CBL: variants seen among roughly 807,000 people sequenced by gnomAD.
CBL encodes the protein Cbl proto-oncogene, also known as E3 ubiquitin-protein ligase CBL.
A neutral mutation model predicts 96.9 loss-of-function variants in CBL; 45 were observed. The ratio of observed to expected loss-of-function variants is 0.46; its 90% CI spans 0.37 to 0.60. The LOEUF (loss-of-function observed/expected upper bound fraction) is 0.60. Among genes scored for constraint, CBL ranks in the 20% least tolerant of loss-of-function variants. The probability of loss-of-function intolerance (pLI) is 0.00; values close to 1 mark genes in which losing one functional copy is unlikely to be tolerated. For synonymous variants in CBL, 420 were observed against 426.8 expected (o/e 0.98, Z 0.20); for missense variants, 1,024 against 1,143.5 (o/e 0.90, Z 1.51).
chr11:119,236,609 A>G (rs968507921), intron 2 of CBL, among the ~76,000 whole-genome samples: 6 of 148,776 alleles, frequency 4.0e-5, no homozygotes, highest in Admixed American at 6.7e-5. Flanking sequence ...ATATATATAT[A>G]TATATATATA....
intron 1 of CBL, among the ~76,000 whole-genome samples, chr11:119,226,077 A>G (rs1277810501): frequency 6.6e-6 from 1 of 152,142 alleles, no homozygotes; most frequent in Non-Finnish European, 1.5e-5. Flanking sequence ...TGAACCTTTT[A>G]AGGGCTGGAT....
chr11:119,272,251 C>T (rs560196167), intron 3 of CBL, among the ~76,000 whole-genome samples: 1 of 152,036 alleles, frequency 6.6e-6, no homozygotes, highest in African/African-American at 2.4e-5. Flanking sequence ...CCTCCTGAGT[C>T]GCTGGGACTA....
At chr11:119,268,752 G>A (rs1949821500) in intron 2 of CBL, among the ~76,000 whole-genome samples, 1 of 152,162 alleles carries the variant, frequency 6.6e-6, no homozygotes, top group Non-Finnish European at 1.5e-5. Flanking sequence ...AAAGGAAGTA[G>A]GAGAACCAAG....
chr11:119,257,742 A>G (rs1949721888), intron 2 of CBL, among the ~76,000 whole-genome samples: 1 of 150,704 alleles, frequency 6.6e-6, no homozygotes, highest in Admixed American at 6.6e-5. Flanking sequence ...AAAGATAGGG[A>G]TTCATTTTCA....
intron 2 of CBL, among the ~76,000 whole-genome samples, chr11:119,266,018 C>CAAA (rs398017759): frequency 5.0e-4 from 38 of 76,022 alleles, no homozygotes; most frequent in African/African-American, 1.0e-3. Context: ...GACTCCATCT[C>CAAA]AAAAAAAAAA....
Position 119,249,662 on chromosome 11 carries a change from CT to C in CBL, c.443+16970del, listed in dbSNP as rs1949656632. 2.0e-5 allele frequency among the ~76,000 whole-genome samples: 3 copies of C among 147,618 alleles called. No individual in the cohort carries two copies. The South Asian group carries it at 6.6e-4, about 32-fold the overall frequency. Reference sequence around the variant, plus strand: ...TTATTTTGGTACAGTTTCTTTCTTTCTTTCTTTTTTTTTTTTTAATTGAGAC... The same window carrying C: ...TTATTTTGGTACAGTTTCTTTCTTTCTTCTTTTTTTTTTTTTAATTGAGAC... On this transcript the variant is annotated intron_variant, in intron 2 of 15. Coordinates refer to ENST00000264033, the MANE Select transcript of CBL (RefSeq NM_005188.4).
Position 119,302,825 on chromosome 11 carries a change from A to T in CBL, c.*3044A>T. ...CATTTACCTGTTAATATTTTTGTGA[A>T]TAGTGCTCTCTACCTGTGGGTGGCC... On this transcript the variant is annotated 3_prime_UTR_variant, in exon 16 of 16. Transcript: ENST00000264033. The T allele has an allele frequency of 4.3e-6, 1 of 231,046 alleles. No homozygotes were observed. The highest frequency in any genetic ancestry group is 8.6e-6 in the Non-Finnish European group (1 of 116,704). 14.3% of individuals were successfully genotyped at this position (231,046 alleles called of 1,614,324 possible).
intron 2 of CBL, among the ~76,000 whole-genome samples, chr11:119,245,494 C>CGAGGCA (rs1565863225): frequency 1.3e-5 from 2 of 151,912 alleles, no homozygotes; most frequent in African/African-American, 4.8e-5. Context: ...TTTGGGAGAC[C>CGAGGCA]GAGGCAGGTG....
chr11:119,293,513 C>A (rs1009915570), intron 12 of CBL, among the ~76,000 whole-genome samples: 1 of 152,116 alleles, frequency 6.6e-6, no homozygotes, highest in Non-Finnish European at 1.5e-5. Flanking sequence ...TTTAGCTTTT[C>A]AATTGCTGCT....
At chr11:119,282,531 A>G (rs943781406) in intron 9 of CBL, among the ~76,000 whole-genome samples, 2 of 152,218 alleles carry the variant, frequency 1.3e-5, no homozygotes, top group African/African-American at 4.8e-5. Flanking sequence ...ATGTGCAGGA[A>G]ACACTGAGGA....
intron 1 of CBL, among the ~76,000 whole-genome samples, chr11:119,210,364 G>A (rs949381533): frequency 2.0e-5 from 3 of 152,084 alleles, no homozygotes; most frequent in African/African-American, 4.8e-5. Context: ...GCAACAGAGT[G>A]ACACCCTGTT....
intron 2 of CBL, among the ~76,000 whole-genome samples, chr11:119,264,391 C>CTCTTT (rs1372863462): frequency 1.8e-5 from 1 of 54,698 alleles, no homozygotes; most frequent in Admixed American, 1.5e-4. Context: ...CTTTTCTTTT[C>CTCTTT]TCTTCTCTTC....
Position 119,289,894 on chromosome 11 carries a change from C to T in CBL, c.2036+1948C>T, listed in dbSNP as rs1349791615. ...AGTAACTGGGGCTCCAGGCATTCGCCACCATGCCTGGCTAGGTTTTTAATT... is the reference window on the plus strand; with the variant it reads ...AGTAACTGGGGCTCCAGGCATTCGCTACCATGCCTGGCTAGGTTTTTAATT... On this transcript the variant is annotated intron_variant, in intron 12 of 15. Transcript: ENST00000264033. Among the ~76,000 whole-genome samples the T allele has an allele frequency of 2.6e-5, 4 of 152,140 alleles. No individual in the cohort carries two copies. The South Asian group carries it at 6.2e-4, about 24-fold the overall frequency.
intron 2 of CBL, among the ~76,000 whole-genome samples, chr11:119,246,658 G>T (rs1477502220): frequency 1.3e-5 from 2 of 152,186 alleles, no homozygotes; most frequent in East Asian, 3.9e-4. Flanking sequence ...CACCATGTTG[G>T]CCAGGCTGGT....
At chr11:119,285,147 C>G in intron 10 of CBL, 42 bp from the exon 11 acceptor site, 2 of 1,614,138 alleles carry the variant, frequency 1.2e-6, no homozygotes, top group Non-Finnish European at 1.7e-6. Context: ...TTGCTGTGTA[C>G]TAGTGGGTTT....
At chr11:119,298,127 TG>T (rs1950076003) in intron 14 of CBL, among the ~76,000 whole-genome samples, 1 of 152,238 alleles carries the variant, frequency 6.6e-6, no homozygotes, top group Non-Finnish European at 1.5e-5. Context: ...CTATTAACCT[TG>T]TCAAGAATAA....
At chr11:119,216,466 G>A (rs1183578733) in intron 1 of CBL, among the ~76,000 whole-genome samples, 2 of 151,896 alleles carry the variant, frequency 1.3e-5, no homozygotes, top group African/African-American at 4.8e-5. Flanking sequence ...CCGCCTCCCG[G>A]GTTCAAGCGA....
intron 2 of CBL, among the ~76,000 whole-genome samples, chr11:119,267,221 A>C (rs1949809239): frequency 6.6e-6 from 1 of 152,092 alleles, no homozygotes; most frequent in African/African-American, 2.4e-5. Context: ...GGCTTTTTGG[A>C]GGGATGCATT....
intron 1 of CBL, among the ~76,000 whole-genome samples, chr11:119,211,374 A>G (rs184215620): frequency 2.6e-5 from 4 of 152,222 alleles, no homozygotes; most frequent in Admixed American, 2.0e-4. Context: ...CTCTGTTTCA[A>G]AAACAACAAC....
Sources: allele counts gnomAD v4.1 joint callset (sites outside exome capture counted in the v4.1 genomes callset), GRCh38; gene constraint gnomAD v4.1.1; transcripts MANE v1.5; gene names NCBI Gene and HGNC (gene_info 2026-07-23, HGNC 2026-07-21).